IPPK: variants seen among roughly 807,000 people sequenced by gnomAD.
IPPK encodes inositol-pentakisphosphate 2-kinase.
A neutral mutation model predicts 64.6 loss-of-function variants in IPPK; 22 were observed. The ratio of observed to expected loss-of-function variants is 0.34; its 90% confidence interval spans 0.24 to 0.49. The LOEUF is 0.49. Among genes scored for constraint, IPPK ranks in the 20% least tolerant of loss-of-function variants. IPPK has a pLI of 0.99. For synonymous variants in IPPK, 262 were observed against 247.2 expected (o/e 1.06, Z -0.56); for missense variants, 532 against 630.7 (o/e 0.84, Z 1.68).
intron 9 of IPPK, among the ~76,000 whole-genome samples, chr9:92,636,769 T>A (rs1851951113): frequency 6.6e-6 from 1 of 152,154 alleles, no homozygotes; most frequent in Admixed American, 6.5e-5. Context: ...AAACTGCACA[T>A]CCCAGCAGCC....
At chr9:92,664,174 C>T (rs926625493) in intron 1 of IPPK, among the ~76,000 whole-genome samples, 8 of 152,224 alleles carry the variant, frequency 5.3e-5, no homozygotes, top group Admixed American at 5.2e-4. Flanking sequence ...AAAGGGATGT[C>T]CAGGATGCGT....
At chr9:92,664,393 G>A (rs1290306025) in intron 1 of IPPK, among the ~76,000 whole-genome samples, 1 of 152,262 alleles carries the variant, frequency 6.6e-6, no homozygotes, top group Admixed American at 6.5e-5. Context: ...AGGCCAGACT[G>A]GAGACAGCCT....
intron 6 of IPPK, among the ~76,000 whole-genome samples, chr9:92,646,470 T>G (rs954077651): frequency 6.6e-6 from 1 of 152,104 alleles, no homozygotes; most frequent in African/African-American, 2.4e-5. Context: ...AAAAGAAAAT[T>G]TGACTCACAA....
chr9:92,667,052 G>A (rs1399053032), intron 1 of IPPK, among the ~76,000 whole-genome samples: 1 of 152,354 alleles, frequency 6.6e-6, no homozygotes, highest in East Asian at 1.9e-4. Flanking sequence ...GCTGGCTGAA[G>A]GCGCATCATG....
intron 6 of IPPK, among the ~76,000 whole-genome samples, chr9:92,647,597 C>G (rs554675767): frequency 3.9e-5 from 6 of 151,994 alleles, no homozygotes; most frequent in African/African-American, 1.4e-4. Context: ...GTCCAACATG[C>G]GAAAATCATG....
At chr9:92,631,123 G>A (rs1460306194) in intron 11 of IPPK, among the ~76,000 whole-genome samples, 1 of 151,960 alleles carries the variant, frequency 6.6e-6, no homozygotes, top group East Asian at 1.9e-4. Context: ...AAGAGTTATT[G>A]GGGGCTTCAG....
At chr9:92,622,564 TAA>T (rs769017597) in intron 11 of IPPK, among the ~76,000 whole-genome samples, 29 of 152,162 alleles carry the variant, frequency 1.9e-4, no homozygotes, top group African/African-American at 6.5e-4. Flanking sequence ...GAAATTAATA[TAA>T]GACCTCTCTG....
chr9:92,643,671 C>T (rs1852095551), intron 6 of IPPK, among the ~76,000 whole-genome samples: 1 of 150,160 alleles, frequency 6.7e-6, no homozygotes, highest in Non-Finnish European at 1.5e-5. Flanking sequence ...GAATATATCA[C>T]AAACAATCCT....
In IPPK at chr9:92,652,321, C is replaced by T. The variant is rs554828442; in HGVS notation, c.292+252G>A. Among the ~76,000 whole-genome samples the T allele has an allele frequency of 1.1e-3, 172 of 151,942 alleles. 1 individual carries two copies. The South Asian group carries it at 0.014, about 12-fold the overall frequency. ...AAAAGTAGCCGAGCATGGTGGTAGG[C>T]GCCTGTAGTCCCAGCTACTCGGGAG... On this transcript the variant is annotated intron_variant, in intron 4 of 12. Transcript: ENST00000287996.
chr9:92,652,327 T>C (rs775472066), intron 4 of IPPK, among the ~76,000 whole-genome samples: 16 of 151,668 alleles, frequency 1.1e-4, no homozygotes, highest in Non-Finnish European at 1.9e-4. Context: ...TAGGCGCCTG[T>C]AGTCCCAGCT....
chr9:92,630,398 C>T (rs929935052), intron 11 of IPPK, among the ~76,000 whole-genome samples: 7 of 152,082 alleles, frequency 4.6e-5, no homozygotes, highest in African/African-American at 1.2e-4. Flanking sequence ...GACAATGGGA[C>T]GATAGCTAAA....
At chr9:92,640,962 C>T (rs1852034510) in intron 7 of IPPK, among the ~76,000 whole-genome samples, 180 bp from the exon 8 acceptor site, 1 of 152,178 alleles carries the variant, frequency 6.6e-6, no homozygotes, top group Admixed American at 6.5e-5. Flanking sequence ...CCATGGGCTC[C>T]CTCCCCGGAG....
At chr9:92,634,543 C>T in intron 10 of IPPK, 55 bp from the exon 11 acceptor site, 1 of 1,241,384 alleles carries the variant, frequency 8.1e-7, no homozygotes, top group East Asian at 2.3e-5. Context: ...GAGGTTGTTT[C>T]TTAAACTGCT....
intron 5 of IPPK, 88 bp downstream of exon 5, chr9:92,649,365 C>T: frequency 6.6e-7 from 1 of 1,519,506 alleles, no homozygotes; most frequent in Non-Finnish European, 9.0e-7. Context: ...TCAGTGGGAA[C>T]TGGAACCCAA....
chr9:92,624,364 G>T (rs770968955), intron 11 of IPPK, among the ~76,000 whole-genome samples: 1 of 151,988 alleles, frequency 6.6e-6, no homozygotes. Context: ...TACTCAGGAG[G>T]CTGAGTATTA....
At chr9:92,641,273 G>T (rs999720943) in intron 7 of IPPK, among the ~76,000 whole-genome samples, 3 of 152,208 alleles carry the variant, frequency 2.0e-5, no homozygotes, top group Non-Finnish European at 2.9e-5. Flanking sequence ...GCGACGAGCT[G>T]CAAGGATGGC....
intron 11 of IPPK, among the ~76,000 whole-genome samples, chr9:92,629,252 G>A (rs867367167): frequency 6.6e-6 from 1 of 152,186 alleles, no homozygotes. Context: ...TGAATTCTTA[G>A]ATATGACACC....
In IPPK at chr9:92,638,048, G is replaced by A. The variant is rs532013075; in HGVS notation, c.869C>T (p.Pro290Leu). Reference sequence around the variant, plus strand: ...GAAAGGGCTGGCTTCGCAGACTCGCGGGCCCTGAGGCCCGAGCCCCGGACT... The same window carrying A: ...GAAAGGGCTGGCTTCGCAGACTCGCAGGCCCTGAGGCCCGAGCCCCGGACT... ...TLSPGLGPQG[P>L]RVCEASPFSR... The change falls in exon 9 of 13, where the codon CCG becomes CTG. Residue 290 changes from proline (P) to leucine (L), a missense_variant. Physicochemically the swap from Pro to Leu is moderately conservative, Grantham distance 98. Transcript: ENST00000287996. 3.4e-5 allele frequency: 54 copies of A among 1,602,676 alleles called. No homozygotes were observed. The highest frequency in any genetic ancestry group is 2.9e-4 in the African/African-American group (22 of 74,800).
In IPPK at chr9:92,614,752, T is replaced by C. The variant is rs1445915494; in HGVS notation, c.*1080A>G. The C allele has an allele frequency of 6.6e-6, 1 of 152,600 alleles. No individual in the cohort carries two copies. The highest frequency in any genetic ancestry group is 2.4e-5 in the African/African-American group (1 of 41,432). The allele number at this position is 152,600 out of a possible 1,614,324, so 9.5% of individuals were successfully genotyped here. On this transcript the variant is annotated 3_prime_UTR_variant, in exon 13 of 13. Coordinates refer to ENST00000287996, the MANE Select transcript of IPPK (RefSeq NM_022755.6). ...ATAAATAAGTCTGTACAACCTAGCA[T>C]AGAATAAAAAACTGAAACCAAGATT...
Sources: gnomAD v4.1 joint callset for allele counts (sites outside exome capture counted in the v4.1 genomes callset) on GRCh38, gnomAD v4.1.1 for gene constraint, MANE v1.5 for transcripts, NCBI Gene and HGNC (gene_info 2026-07-23, HGNC 2026-07-21) for gene names.